Variants in XPO7 observed in about 807,000 individuals in gnomAD.
The protein encoded by XPO7 is exportin-7.
In XPO7, 21 loss-of-function variants were observed where a neutral mutation model predicts 144.3. The ratio of observed to expected loss-of-function variants is 0.15; its 90% confidence interval spans 0.10 to 0.21. XPO7 has a LOEUF of 0.21. Among genes scored for constraint, XPO7 ranks in the 10% least tolerant of loss-of-function variants. The probability of loss-of-function intolerance (pLI) is 1.00; values close to 1 mark genes in which losing one functional copy is unlikely to be tolerated. For missense variants in XPO7, 808 were observed against 1,325.8 expected (o/e 0.61, Z 6.06); for synonymous variants, 580 against 499.6 (o/e 1.16, Z -2.15).
intron 5 of XPO7, among the ~76,000 whole-genome samples, chr8:21,973,738 A>G (rs117531561): frequency 2.0e-5 from 3 of 152,184 alleles, no homozygotes; most frequent in African/African-American, 7.2e-5. Flanking sequence ...ACTCCTGACA[A>G]CTTTGAAGTT....
chr8:21,921,985 T>C, intron 1 of XPO7, among the ~76,000 whole-genome samples: 1 of 152,270 alleles, frequency 6.6e-6, no homozygotes, highest in Admixed American at 6.5e-5. Flanking sequence ...CTAGGTATAA[T>C]GAGTAAATAA....
At chr8:21,967,082 G>A (rs1318271221) in intron 2 of XPO7, 79 bp downstream of exon 2, 6 of 1,519,538 alleles carry the variant, frequency 3.9e-6, no homozygotes, top group Non-Finnish European at 5.3e-6. Context: ...GGAATGGCAT[G>A]GGATGGCTTC....
chr8:21,954,615 C>T (rs1344882506), intron 1 of XPO7, among the ~76,000 whole-genome samples: 1 of 152,070 alleles, frequency 6.6e-6, no homozygotes, highest in Non-Finnish European at 1.5e-5. Flanking sequence ...GCCTGGGCAA[C>T]AGAGTGAGAC....
At chr8:21,971,491 A>G (rs1812061980) in intron 4 of XPO7, among the ~76,000 whole-genome samples, 2 of 152,122 alleles carry the variant, frequency 1.3e-5, no homozygotes, top group Non-Finnish European at 2.9e-5. Context: ...ACTTCTATTT[A>G]TATCTTAACC....
intron 1 of XPO7, among the ~76,000 whole-genome samples, chr8:21,926,115 G>T (rs1270221041): frequency 1.3e-5 from 2 of 151,732 alleles, no homozygotes; most frequent in African/African-American, 4.8e-5. Context: ...AAAGCCCCTG[G>T]GTTTTAAACC....
intron 8 of XPO7, among the ~76,000 whole-genome samples, chr8:21,978,409 CA>C (rs546855874): frequency 1.4e-3 from 218 of 152,278 alleles, no homozygotes; most frequent in African/African-American, 4.8e-3. Context: ...TGGTGTTATA[CA>C]CAAAATATAT....
intron 1 of XPO7, among the ~76,000 whole-genome samples, chr8:21,930,416 G>A (rs560231348): frequency 1.3e-5 from 2 of 152,236 alleles, no homozygotes; most frequent in South Asian, 2.1e-4. Flanking sequence ...GAGTGAGATC[G>A]GTGATAGGAC....
intron 1 of XPO7, among the ~76,000 whole-genome samples, chr8:21,960,722 C>T (rs976116146): frequency 6.6e-6 from 1 of 152,178 alleles, no homozygotes; most frequent in African/African-American, 2.4e-5. Flanking sequence ...GCATCTGCAA[C>T]CAAAAGTGTT....
chr8:21,987,004 T>G, intron 13 of XPO7, 137 bp from the exon 14 acceptor site: 2 of 1,233,164 alleles, frequency 1.6e-6, no homozygotes, highest in Non-Finnish European at 2.3e-6. Context: ...GCCTCCCTCA[T>G]TTATGTAGAT....
intron 1 of XPO7, among the ~76,000 whole-genome samples, chr8:21,924,115 C>T (rs768825922): frequency 1.3e-5 from 2 of 152,164 alleles, no homozygotes; most frequent in Non-Finnish European, 2.9e-5. Context: ...GGTTTACACA[C>T]AGCGGGCCTG....
At chr8:21,994,609 A>G (rs117975356) in intron 20 of XPO7, among the ~76,000 whole-genome samples, 158 bp downstream of exon 20, 1 of 152,180 alleles carries the variant, frequency 6.6e-6, no homozygotes, top group Admixed American at 6.5e-5. Context: ...AAGCCACCTT[A>G]TGACAGACAT....
chr8:21,985,729 C>T, intron 13 of XPO7, 38 bp downstream of exon 13: 1 of 1,578,954 alleles, frequency 6.3e-7, no homozygotes, highest in Non-Finnish European at 8.7e-7. Context: ...CTCTGCCTTG[C>T]TGGCACTTCT....
chr8:21,999,766 A>C (rs1218110764), intron 24 of XPO7, 92 bp downstream of exon 24: 1 of 1,511,540 alleles, frequency 6.6e-7, no homozygotes, highest in Non-Finnish European at 9.0e-7. Flanking sequence ...GTGTCCAAAA[A>C]GATCACCACT....
intron 2 of XPO7, among the ~76,000 whole-genome samples, chr8:21,968,852 T>C (rs1314799995): frequency 6.6e-6 from 1 of 152,238 alleles, no homozygotes; most frequent in African/African-American, 2.4e-5. Context: ...GGTTAAAACT[T>C]GTTAAACCCA....
chr8:21,962,317 T>G (rs1174896118), intron 1 of XPO7, among the ~76,000 whole-genome samples: 1 of 152,184 alleles, frequency 6.6e-6, no homozygotes, highest in Non-Finnish European at 1.5e-5. Flanking sequence ...GAATGTTCTT[T>G]TCAGGCCGCT....
chr8:21,930,104 C>T lies in XPO7; in HGVS notation c.18+10316C>T, dbSNP rs150270069. On this transcript the variant is annotated intron_variant, in intron 1 of 27. Transcript: ENST00000252512. ...GCACCCAGAAGGATATGTTTTAAAA[C>T]AACTTCTGCCATTTCTGGTTTCAAA... Among the ~76,000 whole-genome samples, 374 of 152,316 alleles carry T rather than the reference C, an allele frequency of 2.5e-3. 1 individual carries two copies. The highest frequency in any genetic ancestry group is 8.7e-3 in the African/African-American group (361 of 41,588).
At chr8:21,941,324 AT>A (rs906368840) in intron 1 of XPO7, among the ~76,000 whole-genome samples, 13 of 148,936 alleles carry the variant, frequency 8.7e-5, no homozygotes, top group South Asian at 2.1e-4. Flanking sequence ...AGTTAAGAAA[AT>A]TTTTTTTTTA....
intron 22 of XPO7, 126 bp downstream of exon 22, chr8:21,998,963 A>G: frequency 7.0e-7 from 1 of 1,422,072 alleles, no homozygotes; most frequent in Non-Finnish European, 9.8e-7. Flanking sequence ...GTATGCTAAT[A>G]CATGTGCATT....
At chr8:21,998,900 C>T in intron 22 of XPO7, 63 bp downstream of exon 22, 2 of 1,571,296 alleles carry the variant, frequency 1.3e-6, no homozygotes, top group Non-Finnish European at 1.7e-6. Flanking sequence ...ACACTGTAAG[C>T]AGCATGTGGG....
Sources: gnomAD v4.1 joint callset for allele counts (sites outside exome capture counted in the v4.1 genomes callset) on GRCh38, gnomAD v4.1.1 for gene constraint, MANE v1.5 for transcripts, NCBI Gene and HGNC (gene_info 2026-07-23, HGNC 2026-07-21) for gene names.